EMC2: variants seen among roughly 807,000 people sequenced by gnomAD.
EMC2 encodes the protein ER membrane protein complex subunit 2.
Under a neutral mutation model 51.6 loss-of-function variants are expected in EMC2, and 37 were observed. That is an observed-to-expected ratio of 0.72 (90% CI 0.55 to 0.94). The LOEUF (loss-of-function observed/expected upper bound fraction) is 0.94. EMC2 is among the 40% of genes least tolerant of loss of function. The pLI is 0.00. For synonymous variants in EMC2, 131 were observed against 112.4 expected (o/e 1.17, Z -1.04); for missense variants, 359 against 350.9 (o/e 1.02, Z -0.18).
intron 3 of EMC2, among the ~76,000 whole-genome samples, chr8:108,450,727 T>G (rs906732296): frequency 2.0e-5 from 3 of 152,200 alleles, no homozygotes; most frequent in East Asian, 1.9e-4. Flanking sequence ...TTACTGAAAT[T>G]TATCTGCTTA....
At chr8:108,479,968 A>G (rs1811017986) in intron 10 of EMC2, among the ~76,000 whole-genome samples, 1 of 152,064 alleles carries the variant, frequency 6.6e-6, no homozygotes, top group African/African-American at 2.4e-5. Context: ...ACTTTTTATC[A>G]TAAGTGACTT....
At chr8:108,461,738 T>TA (rs1443681444) in intron 5 of EMC2, among the ~76,000 whole-genome samples, 5 of 152,148 alleles carry the variant, frequency 3.3e-5, no homozygotes, top group African/African-American at 1.2e-4. Context: ...ATACACATGT[T>TA]AAAAATTGTG....
intron 1 of EMC2, 91 bp downstream of exon 1, chr8:108,443,789 G>C (rs1054230265): frequency 1.8e-5 from 22 of 1,193,798 alleles, no homozygotes; most frequent in African/African-American, 1.4e-4. Context: ...TGGGTTCTCT[G>C]GTGTCTTTTT....
intron 1 of EMC2, 123 bp downstream of exon 1, chr8:108,443,821 C>A: frequency 1.2e-6 from 1 of 806,520 alleles, no homozygotes; most frequent in Non-Finnish European, 2.0e-6. Flanking sequence ...CCTCACTGTA[C>A]GGGCCAAGCT....
At chr8:108,475,828 A>C (rs1810936547) in intron 7 of EMC2, 54 bp from the exon 8 acceptor site, 3 of 976,594 alleles carry the variant, frequency 3.1e-6, no homozygotes, top group Admixed American at 2.2e-5. Flanking sequence ...AGGTTTAACT[A>C]AGATAAAAAT....
chr8:108,476,658 A>G (rs375151588), intron 8 of EMC2, 124 bp from the exon 9 acceptor site: 1 of 516,028 alleles, frequency 1.9e-6, no homozygotes, highest in African/African-American at 2.0e-5. Context: ...AATTCTTTTA[A>G]CATCTTGTAT....
At chr8:108,486,379 A>G in intron 10 of EMC2, 133 bp from the exon 11 acceptor site, 4 of 1,270,668 alleles carry the variant, frequency 3.1e-6, no homozygotes, top group Non-Finnish European at 4.1e-6. Flanking sequence ...TTGAAAAAGC[A>G]AAGAATATAT....
chr8:108,487,996 C>A lies in EMC2; in HGVS notation c.*1398C>A, dbSNP rs1389087617. On this transcript the variant is annotated 3_prime_UTR_variant, in exon 11 of 11. Transcript: ENST00000220853. ...GTAACTGCATTTTCAACATGATGAA[C>A]CATTTGAAATTTACATTTTCTGTAA... Among the ~76,000 whole-genome samples the A allele has an allele frequency of 6.6e-6, 1 of 152,094 alleles. No homozygotes were observed. The highest frequency in any genetic ancestry group is 2.4e-5 in the African/African-American group (1 of 41,422).
At chr8:108,457,990 T>C (rs1338119293) in intron 5 of EMC2, among the ~76,000 whole-genome samples, 2 of 152,194 alleles carry the variant, frequency 1.3e-5, no homozygotes, top group African/African-American at 4.8e-5. Flanking sequence ...GGTACAGGCA[T>C]TGGATAAATA....
intron 5 of EMC2, among the ~76,000 whole-genome samples, chr8:108,468,920 CATAA>C (rs1484306952): frequency 1.3e-5 from 2 of 152,130 alleles, no homozygotes; most frequent in African/African-American, 4.8e-5. Flanking sequence ...ATGCAGTTTC[CATAA>C]ATAACTTCCT....
chr8:108,484,175 G>A (rs1468702173), intron 10 of EMC2, among the ~76,000 whole-genome samples: 3 of 152,006 alleles, frequency 2.0e-5, no homozygotes, highest in Non-Finnish European at 4.4e-5. Flanking sequence ...TGTTGCACTG[G>A]TAAATCTGTG....
intron 5 of EMC2, among the ~76,000 whole-genome samples, chr8:108,469,032 A>G (rs1035051113): frequency 6.6e-6 from 1 of 152,182 alleles, no homozygotes; most frequent in Non-Finnish European, 1.5e-5. Context: ...CCACTCTGAC[A>G]CAGCATGTGT....
intron 10 of EMC2, among the ~76,000 whole-genome samples, chr8:108,485,706 G>A (rs1279246418): frequency 6.6e-6 from 1 of 150,420 alleles, no homozygotes; most frequent in Non-Finnish European, 1.5e-5. Flanking sequence ...TCAGCATGTG[G>A]TATTCAACAG....
intron 9 of EMC2, among the ~76,000 whole-genome samples, chr8:108,477,975 G>C (rs1033970714): frequency 1.3e-5 from 2 of 151,982 alleles, no homozygotes; most frequent in African/African-American, 4.8e-5. Flanking sequence ...CTAAATGATC[G>C]AGTTGGGTTT....
At chr8:108,458,803 T>TCA (rs1819232360) in intron 5 of EMC2, among the ~76,000 whole-genome samples, 1 of 152,238 alleles carries the variant, frequency 6.6e-6, no homozygotes, top group Admixed American at 6.5e-5. Context: ...TTCAGCTCCT[T>TCA]GTTACTTATG....
chr8:108,450,477 G>A lies in EMC2; in HGVS notation c.204G>A (p.Arg68=), dbSNP rs777163462. 52 of 1,586,936 alleles carry A rather than the reference G, an allele frequency of 3.3e-5. 1 individual carries two copies. In the South Asian group the frequency reaches 5.5e-4, roughly 17 times the overall value. Residue 68 remains arginine, a synonymous_variant, in exon 3 of 11, where the codon CGG becomes CGA. Coordinates refer to ENST00000220853, the MANE Select transcript of EMC2 (RefSeq NM_014673.5). The part of the protein sequence containing the change: ...QVMIAALDYG[R]DDLALFCLQE... ...TGATTGCAGCACTAGACTATGGTCG[G>A]GATGACTTGGCATTGGTAGGTATTT... is the stretch of plus-strand genomic sequence containing the variant.
chr8:108,473,038 A>G (rs948846438), intron 7 of EMC2, among the ~76,000 whole-genome samples: 3 of 152,010 alleles, frequency 2.0e-5, no homozygotes, highest in African/African-American at 7.2e-5. Context: ...CCAAATAAAT[A>G]TCTATAGTAT....
At chr8:108,465,095 G>A (rs1281638067) in intron 5 of EMC2, among the ~76,000 whole-genome samples, 6 of 151,114 alleles carry the variant, frequency 4.0e-5, no homozygotes, top group Non-Finnish European at 7.4e-5. Flanking sequence ...ATAAAAAAAT[G>A]TATGTCTTTC....
At chr8:108,466,810 A>C (rs1208389677) in intron 5 of EMC2, among the ~76,000 whole-genome samples, 3 of 152,076 alleles carry the variant, frequency 2.0e-5, no homozygotes, top group Non-Finnish European at 2.9e-5. Flanking sequence ...CCCAGAAGCC[A>C]CAAGAAGCCT....
Sources: gnomAD v4.1 joint callset for allele counts (sites outside exome capture counted in the v4.1 genomes callset) on GRCh38, gnomAD v4.1.1 for gene constraint, MANE v1.5 for transcripts, NCBI Gene and HGNC (gene_info 2026-07-23, HGNC 2026-07-21) for gene names.